The following LDB2 variants were observed in gnomAD, a reference collection of about 807,000 sequenced individuals.
LDB2 encodes LIM domain-binding protein 2.
In LDB2, 12 loss-of-function variants were observed where a neutral mutation model predicts 44.3. The observed-to-expected ratio is 0.27, with a 90% CI of 0.17 to 0.44. The LOEUF (loss-of-function observed/expected upper bound fraction) is 0.44, where lower values mean the gene tolerates loss of function less well. LDB2 is among the 20% of genes least tolerant of loss of function. LDB2 has a pLI of 1.00. For missense variants in LDB2, 344 were observed against 473.5 expected (o/e 0.73, Z 2.54); for synonymous variants, 164 against 174.8 (o/e 0.94, Z 0.49).
chr4:16,542,101 T>TGG (rs71649965), intron 5 of LDB2, among the ~76,000 whole-genome samples: 12,875 of 83,276 alleles, frequency 0.15, 2,210 homozygotes, highest in African/African-American at 0.22. Context: ...CATCAGGTGG[T>TGG]GGGGGGGGGG....
In LDB2 at chr4:16,557,925, G is replaced by A. The variant is rs575489956; in HGVS notation, c.615+27997C>T. Among the ~76,000 whole-genome samples, 32 of 152,328 alleles carry A rather than the reference G, an allele frequency of 2.1e-4. No individual in the cohort carries two copies. In the South Asian group the frequency reaches 6.6e-3, roughly 32 times the overall value. The stretch of plus-strand genomic sequence containing the variant: ...GTGGCGCACGAAACTCCGCTGTTCT[G>A]CAGACACCGCTGCTGATACCCAGGC... On this transcript the variant is annotated intron_variant, in intron 5 of 7. Coordinates refer to ENST00000304523, the MANE Select transcript of LDB2 (RefSeq NM_001290.5).
At chr4:16,608,160 G>A in intron 2 of LDB2, among the ~76,000 whole-genome samples, 1 of 140,034 alleles carries the variant, frequency 7.1e-6, no homozygotes, top group Non-Finnish European at 1.5e-5. Flanking sequence ...TACTGTATGT[G>A]TGTGATTCAC....
chr4:16,897,918 A>G (rs1323306548), intron 1 of LDB2, among the ~76,000 whole-genome samples: 4 of 17,480 alleles, frequency 2.3e-4, no homozygotes, highest in South Asian at 1.3e-3. Context: ...ATATATATAT[A>G]TATATATATA....
At chr4:16,651,701 C>G (rs966797916) in intron 2 of LDB2, among the ~76,000 whole-genome samples, 4 of 152,088 alleles carry the variant, frequency 2.6e-5, no homozygotes, top group Admixed American at 6.5e-5. Flanking sequence ...TTCCTAGACT[C>G]CTGTGCGGTC....
intron 1 of LDB2, chr4:16,889,112 C>CACAT (rs1477026939): frequency 6.6e-6 from 1 of 151,416 alleles, no homozygotes; most frequent in Admixed American, 6.6e-5. Context: ...CACACACACA[C>CACAT]ATACATACAC....
At chr4:16,538,224 G>C (rs1732511519) in intron 5 of LDB2, among the ~76,000 whole-genome samples, 1 of 152,178 alleles carries the variant, frequency 6.6e-6, no homozygotes, top group African/African-American at 2.4e-5. Context: ...GCCCAGAGCA[G>C]AACAACAAGC....
intron 2 of LDB2, among the ~76,000 whole-genome samples, chr4:16,635,662 G>A (rs1226937263): frequency 7.3e-6 from 1 of 137,888 alleles, no homozygotes; most frequent in Non-Finnish European, 1.6e-5. Flanking sequence ...CTCATGCTGG[G>A]GGAGAAGGAA....
intron 1 of LDB2, among the ~76,000 whole-genome samples, chr4:16,885,154 TA>T (rs57704740): frequency 0.3 from 28,741 of 94,706 alleles, 2,963 homozygotes; most frequent in East Asian, 0.64. Flanking sequence ...ATACCACTTC[TA>T]AAAAAAAAAA....
intron 1 of LDB2, among the ~76,000 whole-genome samples, chr4:16,819,094 GT>G (rs1206856219): frequency 9.9e-4 from 2 of 2,014 alleles, no homozygotes; most frequent in Admixed American, 0.027. Context: ...GTGGTTGCTT[GT>G]GTGTGTGTGT....
chr4:16,697,969 G>T, intron 2 of LDB2, among the ~76,000 whole-genome samples: 1 of 152,148 alleles, frequency 6.6e-6, no homozygotes, highest in South Asian at 2.1e-4. Context: ...CATTGGATAA[G>T]TTATATTTTT....
chr4:16,703,813 C>T (rs1754013353), intron 2 of LDB2, among the ~76,000 whole-genome samples: 1 of 152,162 alleles, frequency 6.6e-6, no homozygotes, highest in African/African-American at 2.4e-5. Context: ...AATAATACCA[C>T]CAATTGCAGA....
At chr4:16,818,545 T>C (rs940444561) in intron 1 of LDB2, among the ~76,000 whole-genome samples, 1 of 152,226 alleles carries the variant, frequency 6.6e-6, no homozygotes, top group African/African-American at 2.4e-5. Context: ...ATTGACTTCT[T>C]TTATAAGTAA....
chr4:16,718,892 A>G (rs1432153417), intron 2 of LDB2, among the ~76,000 whole-genome samples: 1 of 152,142 alleles, frequency 6.6e-6, no homozygotes, highest in East Asian at 1.9e-4. Context: ...TTAAAAGAAT[A>G]TCTGTAGACT....
chr4:16,575,666 A>G (rs138993421), intron 5 of LDB2, among the ~76,000 whole-genome samples: 25 of 152,398 alleles, frequency 1.6e-4, no homozygotes, highest in Admixed American at 1.6e-3. Flanking sequence ...TGGAAACTAT[A>G]CAAATACATG....
At chr4:16,699,690 G>A (rs898671315) in intron 2 of LDB2, among the ~76,000 whole-genome samples, 2 of 152,136 alleles carry the variant, frequency 1.3e-5, no homozygotes, top group Non-Finnish European at 2.9e-5. Flanking sequence ...TAGAGAAAAG[G>A]AAGAAGGAAG....
At chr4:16,599,370 G>A (rs1452321814) in intron 2 of LDB2, among the ~76,000 whole-genome samples, 1 of 152,048 alleles carries the variant, frequency 6.6e-6, no homozygotes, top group Non-Finnish European at 1.5e-5. Flanking sequence ...GGCCTGGCGA[G>A]GCATCATTCT....
At chr4:16,711,129 T>C (rs1755771229) in intron 2 of LDB2, among the ~76,000 whole-genome samples, 2 of 152,326 alleles carry the variant, frequency 1.3e-5, no homozygotes, top group Middle Eastern at 3.4e-3. Context: ...TGTAAACCTA[T>C]AACTCTGATG....
chr4:16,565,991 C>G (rs1045376899), intron 5 of LDB2, among the ~76,000 whole-genome samples: 2 of 151,816 alleles, frequency 1.3e-5, no homozygotes, highest in African/African-American at 2.4e-5. Flanking sequence ...TACACACACA[C>G]AAGAAACTCT....
At chr4:16,788,637 A>C (rs1775025094) in intron 1 of LDB2, among the ~76,000 whole-genome samples, 1 of 152,216 alleles carries the variant, frequency 6.6e-6, no homozygotes. Context: ...TCAGCACAGT[A>C]CCCAGCATGA....
Sources: allele counts gnomAD v4.1 joint callset (sites outside exome capture counted in the v4.1 genomes callset), GRCh38; gene constraint gnomAD v4.1.1; transcripts MANE v1.5; gene names NCBI Gene and HGNC (gene_info 2026-07-23, HGNC 2026-07-21).